The following TMEM230 variants were observed in gnomAD, a reference collection of about 807,000 sequenced individuals.
The protein encoded by TMEM230 is UPF0414 transmembrane protein C20orf30.
Under a neutral mutation model 15.8 loss-of-function variants are expected in TMEM230, and 10 were observed. The ratio of observed to expected loss-of-function variants is 0.63; its 90% CI spans 0.39 to 1.07. The LOEUF is 1.07. TMEM230 is among the 50% of genes least tolerant of loss of function. The pLI is 0.01. For missense variants in TMEM230, 165 were observed against 193.3 expected, an observed-to-expected ratio of 0.85 and a Z score of 0.87; for synonymous variants, 67 against 76.9, an observed-to-expected ratio of 0.87 and a Z score of 0.68.
chr20:5,069,683 CCCCTT>C (rs112956141), intron 3 of TMEM230, among the ~76,000 whole-genome samples: 13 of 151,528 alleles, frequency 8.6e-5, no homozygotes, highest in African/African-American at 1.2e-4. Flanking sequence ...TCTTTCCTCT[CCCCTT>C]CCCTTCCCTT....
intron 3 of TMEM230, among the ~76,000 whole-genome samples, chr20:5,073,266 C>T (rs189425775): frequency 1.3e-5 from 2 of 152,346 alleles, no homozygotes; most frequent in Admixed American, 6.5e-5. Context: ...CTCTCCTGAA[C>T]GTCACAGGTG....
chr20:5,065,120 T>C (rs559323989), downstream of TMEM230, among the ~76,000 whole-genome samples: 4 of 151,962 alleles, frequency 2.6e-5, no homozygotes, highest in East Asian at 7.8e-4. Context: ...AGTCTCATTA[T>C]AAAGACTAAC....
intron 2 of TMEM230, chr20:5,111,054 C>A (rs2090293924): frequency 6.6e-6 from 1 of 151,904 alleles, no homozygotes; most frequent in African/African-American, 2.4e-5. Context: ...CAGTGGCACA[C>A]ACCTGTAATC....
downstream of TMEM230, among the ~76,000 whole-genome samples, chr20:5,066,887 C>T (rs999718447): frequency 6.6e-6 from 1 of 152,004 alleles, no homozygotes; most frequent in Non-Finnish European, 1.5e-5. Context: ...CTGGGGTCCT[C>T]AGCTGCCAAT....
chr20:5,102,185 C>T (rs2089897681), intron 4 of TMEM230, among the ~76,000 whole-genome samples: 3 of 152,192 alleles, frequency 2.0e-5, no homozygotes, highest in South Asian at 4.1e-4. Context: ...CATGTTTTGC[C>T]AACAGAGAAC....
intron 3 of TMEM230, among the ~76,000 whole-genome samples, chr20:5,081,312 T>C (rs1256219708): frequency 2.0e-5 from 3 of 152,138 alleles, no homozygotes; most frequent in Admixed American, 2.0e-4. Context: ...GAACAAGAGA[T>C]ATCCTTGACA....
At chr20:5,106,659 G>A (rs1163776935) in intron 3 of TMEM230, among the ~76,000 whole-genome samples, 2 of 151,990 alleles carry the variant, frequency 1.3e-5, no homozygotes, top group African/African-American at 2.4e-5. Flanking sequence ...CGCCCGCCTC[G>A]GCCTCCCAAA....
At chr20:5,105,540 G>A (rs963235227) in intron 4 of TMEM230, among the ~76,000 whole-genome samples, 1 of 151,730 alleles carries the variant, frequency 6.6e-6, no homozygotes, top group African/African-American at 2.4e-5. Context: ...GCAGTTAGCC[G>A]ATATTATGCC....
intron 4 of TMEM230, among the ~76,000 whole-genome samples, chr20:5,102,652 C>T (rs778191899): frequency 6.8e-6 from 1 of 146,120 alleles, no homozygotes; most frequent in Non-Finnish European, 1.5e-5. Context: ...GATCGCACCA[C>T]TGCACTACAC....
chr20:5,093,994 C>T (rs1200752692), intron 3 of TMEM230, among the ~76,000 whole-genome samples: 2 of 151,870 alleles, frequency 1.3e-5, no homozygotes, highest in Non-Finnish European at 2.9e-5. Context: ...CGCTCTGTCG[C>T]CCAGGCTGGA....
downstream of TMEM230, chr20:5,098,256 T>C (rs2089725985): frequency 6.6e-6 from 1 of 152,208 alleles, no homozygotes; most frequent in East Asian, 1.9e-4. Flanking sequence ...ATTACAGGCA[T>C]GAGCCACTGT....
intron 3 of TMEM230, among the ~76,000 whole-genome samples, chr20:5,087,940 G>C (rs560074903): frequency 1.8e-3 from 264 of 148,120 alleles, no homozygotes; most frequent in African/African-American, 6.2e-3. Context: ...TGATCTGCCC[G>C]CGGTGGCCTC....
exon 4 of TMEM230, chr20:5,068,737 T>C (rs948327304): frequency 1.3e-5 from 2 of 153,470 alleles, no homozygotes; most frequent in African/African-American, 4.8e-5. Context: ...GCGGTTTTAT[T>C]ACTCATCCAG....
At chr20:5,076,232 C>T (rs973647394) in intron 3 of TMEM230, among the ~76,000 whole-genome samples, 1 of 152,050 alleles carries the variant, frequency 6.6e-6, no homozygotes, top group Non-Finnish European at 1.5e-5. Flanking sequence ...GATGCAGTGA[C>T]TTGAGAGGCA....
intron 3 of TMEM230, among the ~76,000 whole-genome samples, chr20:5,085,991 T>C (rs1364749805): frequency 6.6e-6 from 1 of 152,212 alleles, no homozygotes; most frequent in African/African-American, 2.4e-5. Context: ...GCCCACGTCA[T>C]GCTTCTTGAC....
intron 4 of TMEM230, 124 bp downstream of exon 3, chr20:5,106,061 GACC>G (rs2090065851): frequency 3.6e-6 from 5 of 1,380,812 alleles, no homozygotes; most frequent in Non-Finnish European, 4.7e-6. Flanking sequence ...AAAAAAAACA[GACC>G]ACTGGGACGG....
chr20:5,104,236 A>G (rs2089982858), intron 4 of TMEM230, among the ~76,000 whole-genome samples: 1 of 152,178 alleles, frequency 6.6e-6, no homozygotes, highest in African/African-American at 2.4e-5. Flanking sequence ...GGCTTTTTAA[A>G]AAATATAGAC....
intron 3 of TMEM230, among the ~76,000 whole-genome samples, chr20:5,079,680 G>C (rs543617204): frequency 3.3e-4 from 51 of 152,268 alleles, no homozygotes; most frequent in African/African-American, 1.2e-3. Context: ...TCTCCTGGGA[G>C]AATGGTCACT....
chr20:5,059,963 G>C, the TMEM230 span, among the ~76,000 whole-genome samples: 1 of 151,592 alleles, frequency 6.6e-6, no homozygotes, highest in African/African-American at 2.4e-5. Flanking sequence ...GTAAAGATGG[G>C]GTTTCACCAT....
Sources: gnomAD v4.1 joint callset for allele counts (sites outside exome capture counted in the v4.1 genomes callset) on GRCh38, gnomAD v4.1.1 for gene constraint, MANE v1.5 for transcripts, NCBI Gene and HGNC (gene_info 2026-07-23, HGNC 2026-07-21) for gene names.